Variants in CBLB observed in about 807,000 individuals in gnomAD.
CBLB encodes E3 ubiquitin-protein ligase CBL-B.
In CBLB, 31 loss-of-function variants were observed where a neutral mutation model predicts 104.9. That is an observed-to-expected ratio of 0.30 (90% confidence interval 0.22 to 0.40). CBLB has a LOEUF of 0.40. Ranked by LOEUF, CBLB falls within the 10% of genes least tolerant of loss-of-function variation. The probability of loss-of-function intolerance (pLI) is 1.00; values close to 1 mark genes in which losing one functional copy is unlikely to be tolerated. For synonymous variants in CBLB, 440 were observed against 422.6 expected, an observed-to-expected ratio of 1.04 and a Z score of -0.51; for missense variants, 1,062 against 1,214.6, an observed-to-expected ratio of 0.87 and a Z score of 1.87.
At chr3:105,867,369 G>C (rs1040484994) in intron 2 of CBLB, 41 bp downstream of exon 2, 1 of 1,571,244 alleles carries the variant, frequency 6.4e-7, no homozygotes, top group Non-Finnish European at 8.8e-7. Flanking sequence ...CACAGACAAA[G>C]TGAATAGTGT....
chr3:105,741,493 T>C lies in CBLB; in HGVS notation c.846-862A>G, dbSNP rs193069811. On this transcript the variant is annotated intron_variant, in intron 6 of 18. Coordinates refer to ENST00000394030, the MANE Select transcript of CBLB (RefSeq NM_170662.5). ...TCACTGCAAGCTCCGCCTCCCAGGT[T>C]CACGCTATTCTCCTGCTTCAGCCTC... 2.0e-4 allele frequency among the ~76,000 whole-genome samples: 30 copies of C among 152,306 alleles called. No homozygotes were observed. In the East Asian group the frequency reaches 5.6e-3, roughly 28 times the overall value.
chr3:105,751,784 C>A (rs1203806759), intron 4 of CBLB, among the ~76,000 whole-genome samples, 166 bp from the exon 5 acceptor site: 1 of 152,116 alleles, frequency 6.6e-6, no homozygotes, highest in East Asian at 1.9e-4. Context: ...GTAGTGGGTT[C>A]TGTTTAACTC....
At chr3:105,829,097 CCT>C (rs148275111) in intron 3 of CBLB, among the ~76,000 whole-genome samples, 2,934 of 151,240 alleles carry the variant, frequency 0.019, 101 homozygotes, top group African/African-American at 0.067. Context: ...TTTTTAATCC[CCT>C]GTCCTCCCAT....
chr3:105,827,078 TA>T (rs2086697056), intron 3 of CBLB, among the ~76,000 whole-genome samples: 1 of 152,170 alleles, frequency 6.6e-6, no homozygotes, highest in Admixed American at 6.5e-5. Context: ...TCCTGTAATA[TA>T]ATATGGCGCT....
At chr3:105,749,814 CT>C (rs1417953677) in intron 5 of CBLB, 29 of 225,028 alleles carry the variant, frequency 1.3e-4, no homozygotes, top group East Asian at 2.9e-4. Flanking sequence ...TATCAGACAA[CT>C]TTTTTTTCTA....
At chr3:105,869,140 G>A (rs543988265), upstream of CBLB, 358 of 733,314 alleles carry the variant, frequency 4.9e-4, 2 homozygotes, top group African/African-American at 4.8e-3. Flanking sequence ...CAATGGACGG[G>A]AGGCGCCCGT....
At chr3:105,756,833 A>T (rs1380157496) in intron 4 of CBLB, among the ~76,000 whole-genome samples, 5 of 152,198 alleles carry the variant, frequency 3.3e-5, no homozygotes, top group Non-Finnish European at 7.3e-5. Flanking sequence ...CTCATATTGA[A>T]CTGTAATCCT....
chr3:105,737,941 A>T (rs1402510114), intron 7 of CBLB, among the ~76,000 whole-genome samples: 1 of 152,214 alleles, frequency 6.6e-6, no homozygotes, highest in Non-Finnish European at 1.5e-5. Context: ...GGAAAACTGA[A>T]ATCTGAACTA....
chr3:105,747,366 G>C (rs1221984544), intron 5 of CBLB, among the ~76,000 whole-genome samples: 3 of 152,144 alleles, frequency 2.0e-5, no homozygotes, highest in Admixed American at 1.3e-4. Flanking sequence ...TTTGAGACTT[G>C]TTCCTCATTA....
intron 11 of CBLB, 42 bp from the exon 12 acceptor site, chr3:105,702,501 T>TAAAAAAAAAAAAAAAAAAAAAAA (rs1553727160): frequency 2.2e-6 from 2 of 903,576 alleles, no homozygotes; most frequent in African/African-American, 2.6e-5. Flanking sequence ...AAAAAAAAAC[T>TAAAAAAAAAAAAAAAAAAAAAAA]AAAGGTTGTA....
intron 18 of CBLB, 123 bp from the exon 19 acceptor site, chr3:105,659,352 C>CT (rs1047316487): frequency 1.6e-5 from 18 of 1,101,224 alleles, no homozygotes; most frequent in East Asian, 5.1e-5. Context: ...TACAAATAAA[C>CT]TTTTTTTCAA....
At chr3:105,833,918 A>T (rs1422842014) in intron 3 of CBLB, among the ~76,000 whole-genome samples, 2 of 152,064 alleles carry the variant, frequency 1.3e-5, no homozygotes, top group Non-Finnish European at 1.5e-5. Flanking sequence ...AAAAAAAAAA[A>T]TTTGAGAGTA....
intron 4 of CBLB, among the ~76,000 whole-genome samples, chr3:105,775,453 T>G (rs1379141068): frequency 6.6e-6 from 1 of 152,168 alleles, no homozygotes; most frequent in Non-Finnish European, 1.5e-5. Context: ...TACTAACAAT[T>G]TTTATGTCTA....
At chr3:105,803,503 A>G (rs2083140529) in intron 3 of CBLB, among the ~76,000 whole-genome samples, 1 of 152,186 alleles carries the variant, frequency 6.6e-6, no homozygotes, top group South Asian at 2.1e-4. Flanking sequence ...AGTAAAAAGA[A>G]GCCTAACTCA....
At chr3:105,781,521 A>G (rs1259117070) in intron 3 of CBLB, among the ~76,000 whole-genome samples, 1 of 150,880 alleles carries the variant, frequency 6.6e-6, no homozygotes. Flanking sequence ...CTCTAATTAT[A>G]GCCATCTTGA....
intron 3 of CBLB, among the ~76,000 whole-genome samples, chr3:105,790,666 C>T (rs574348359): frequency 3.7e-4 from 56 of 152,298 alleles, no homozygotes; most frequent in South Asian, 1.7e-3. Context: ...TAAGGTCATT[C>T]AAGGTGCTTC....
rs141165009 is a variant in CBLB at position 105,831,541 on chromosome 3, C to T, written c.419+21873G>A. Among the ~76,000 whole-genome samples, 348 of 152,360 alleles carry T rather than the reference C, an allele frequency of 2.3e-3. 1 individual carries two copies. The highest frequency in any genetic ancestry group is 4.2e-3 in the Non-Finnish European group (286 of 68,034). On this transcript the variant is annotated intron_variant, in intron 3 of 18. Coordinates refer to ENST00000394030, the MANE Select transcript of CBLB (RefSeq NM_170662.5). ...GACAAAAAGTAAAAGCTAAAAAATGCTCAAGTTCTAGCACTTGATTATTCA... is the reference window on the plus strand; with the variant it reads ...GACAAAAAGTAAAAGCTAAAAAATGTTCAAGTTCTAGCACTTGATTATTCA...
chr3:105,762,580 A>G (rs1235737854), intron 4 of CBLB, among the ~76,000 whole-genome samples: 1 of 152,250 alleles, frequency 6.6e-6, no homozygotes, highest in Non-Finnish European at 1.5e-5. Context: ...TTGAGCCTGC[A>G]GGTGCACAGA....
intron 3 of CBLB, among the ~76,000 whole-genome samples, chr3:105,844,948 A>G (rs2090041006): frequency 1.3e-5 from 2 of 152,172 alleles, no homozygotes. Flanking sequence ...CTGCCACTTG[A>G]AAGACATCAT....
Sources: gnomAD v4.1 joint callset for allele counts (sites outside exome capture counted in the v4.1 genomes callset) on GRCh38, gnomAD v4.1.1 for gene constraint, MANE v1.5 for transcripts, NCBI Gene and HGNC (gene_info 2026-07-23, HGNC 2026-07-21) for gene names.